Variants in CENPQ observed in about 807,000 individuals in gnomAD.
CENPQ encodes the protein centromere protein Q.
A neutral mutation model predicts 36.6 loss-of-function variants in CENPQ; 27 were observed. The ratio of observed to expected loss-of-function variants is 0.74; its 90% CI spans 0.54 to 1.02. The LOEUF is 1.02. CENPQ is among the 50% of genes least tolerant of loss of function. The probability of loss-of-function intolerance (pLI) is 0.00; values close to 1 mark genes in which losing one functional copy is unlikely to be tolerated. For missense variants in CENPQ, 306 were observed against 301.8 expected (o/e 1.01, Z -0.10); for synonymous variants, 101 against 101.7 (o/e 0.99, Z 0.04).
At chr6:49,481,154 T>C (rs1768419496) in intron 6 of CENPQ, 74 bp downstream of exon 6, 12 of 1,232,318 alleles carry the variant, frequency 9.7e-6, no homozygotes, top group Middle Eastern at 2.0e-4. Flanking sequence ...TTTAAAATTA[T>C]CATGATGTTC....
intron 2 of CENPQ, among the ~76,000 whole-genome samples, chr6:49,470,556 A>G (rs954955842): frequency 2.1e-5 from 3 of 140,620 alleles, no homozygotes; most frequent in Admixed American, 1.5e-4. Context: ...CGGGAGGCAG[A>G]GGTTGCAGTG....
chr6:49,472,022 A>C (rs754551563), intron 3 of CENPQ, 41 bp from the exon 4 acceptor site: 4 of 1,526,228 alleles, frequency 2.6e-6, no homozygotes, highest in Non-Finnish European at 3.5e-6. Flanking sequence ...AACATGTAAA[A>C]CATCTAGATT....
intron 5 of CENPQ, among the ~76,000 whole-genome samples, chr6:49,479,784 A>G (rs1217422472): frequency 6.6e-6 from 1 of 152,236 alleles, no homozygotes; most frequent in African/African-American, 2.4e-5. Context: ...TTGGAATGCT[A>G]TGCAGCCATA....
chr6:49,487,349 G>A lies in CENPQ; in HGVS notation c.478-1003G>A, dbSNP rs539534337. On this transcript the variant is annotated intron_variant, in intron 6 of 8. Transcript: ENST00000335783. ...GTTTTGTTGCATATCCTTTTGTTTT[G>A]TTGAGGTTTTGACCAATCTTTTAAA... is the stretch of plus-strand genomic sequence containing the variant. Among the ~76,000 whole-genome samples the A allele has an allele frequency of 6.1e-5, 9 of 147,146 alleles. No homozygotes were observed. In the South Asian group the frequency reaches 1.9e-3, roughly 31 times the overall value.
chr6:49,477,609 T>C (rs1007629491), intron 5 of CENPQ, among the ~76,000 whole-genome samples: 3 of 152,056 alleles, frequency 2.0e-5, no homozygotes, highest in African/African-American at 7.2e-5. Context: ...AGTTTCAAGT[T>C]TGCCTAGAAA....
At chr6:49,483,728 C>G (rs143785654) in intron 6 of CENPQ, among the ~76,000 whole-genome samples, 1 of 152,354 alleles carries the variant, frequency 6.6e-6, no homozygotes, top group East Asian at 1.9e-4. Flanking sequence ...CCTGCTAAAC[C>G]CACGCCCACC....
chr6:49,464,983 T>C (rs1054871663), intron 1 of CENPQ, among the ~76,000 whole-genome samples: 26 of 152,264 alleles, frequency 1.7e-4, no homozygotes, highest in Admixed American at 1.3e-4. Context: ...GTTTTCAATT[T>C]ATTTTGCCCA....
chr6:49,488,463 G>A lies in CENPQ; in HGVS notation c.589G>A (p.Val197Ile). The A allele has an allele frequency of 6.2e-7, 1 of 1,610,788 alleles. No individual in the cohort carries two copies. The highest frequency in any genetic ancestry group is 8.5e-7 in the Non-Finnish European group (1 of 1,178,104). Residue 197 changes from valine (V) to isoleucine (I), a missense_variant, in exon 7 of 9, where the codon GTA becomes ATA. By Grantham distance (29) the Val-to-Ile change is conservative. Coordinates refer to ENST00000335783, the MANE Select transcript of CENPQ (RefSeq NM_018132.4). ...TGAGGTGGAAGAAGAAGAGGAGAGA[G>A]TAAAACAGGTAATTATTTTAAACTG... ...ASEVEEEEER[V>I]KQMHQINSSG...
chr6:49,466,214 G>T (rs928639973), intron 1 of CENPQ, among the ~76,000 whole-genome samples: 6 of 152,168 alleles, frequency 3.9e-5, no homozygotes, highest in African/African-American at 1.4e-4. Context: ...TATTGGCATG[G>T]TTCATGGTGC....
At chr6:49,480,618 A>T (rs1009271463) in intron 5 of CENPQ, among the ~76,000 whole-genome samples, 1 of 152,204 alleles carries the variant, frequency 6.6e-6, no homozygotes, top group African/African-American at 2.4e-5. Flanking sequence ...TAATAGACTC[A>T]TGTAGTGTAA....
chr6:49,472,323 C>A, intron 4 of CENPQ, 140 bp downstream of exon 4: 1 of 653,550 alleles, frequency 1.5e-6, no homozygotes, highest in Non-Finnish European at 2.2e-6. Flanking sequence ...ATTAATGTGA[C>A]GGTATTTGCC....
intron 6 of CENPQ, among the ~76,000 whole-genome samples, chr6:49,481,854 G>A (rs1388666229): frequency 6.6e-6 from 1 of 152,140 alleles, no homozygotes. Context: ...TGGTCGATGG[G>A]ACTGGGCGCC....
chr6:49,464,870 G>C (rs889059708), intron 1 of CENPQ, among the ~76,000 whole-genome samples: 1 of 152,130 alleles, frequency 6.6e-6, no homozygotes, highest in African/African-American at 2.4e-5. Context: ...ATGAGGGTTG[G>C]AATCAACTTT....
At chr6:49,474,799 A>G (rs1768239352) in intron 5 of CENPQ, among the ~76,000 whole-genome samples, 1 of 152,192 alleles carries the variant, frequency 6.6e-6, no homozygotes, top group Admixed American at 6.5e-5. Flanking sequence ...AATCAAATAG[A>G]TGCAATAAAA....
intron 1 of CENPQ, among the ~76,000 whole-genome samples, chr6:49,468,988 A>C (rs1460369848): frequency 2.0e-5 from 3 of 152,210 alleles, no homozygotes; most frequent in Non-Finnish European, 4.4e-5. Flanking sequence ...GAAATTGAAC[A>C]CAAGATAGAG....
chr6:49,468,238 T>C (rs543597266), intron 1 of CENPQ, among the ~76,000 whole-genome samples: 2 of 151,778 alleles, frequency 1.3e-5, no homozygotes, highest in South Asian at 4.2e-4. Flanking sequence ...AGCTAAGACT[T>C]TCCTGGGGTT....
At chr6:49,478,799 A>G (rs1196145855) in intron 5 of CENPQ, among the ~76,000 whole-genome samples, 1 of 152,186 alleles carries the variant, frequency 6.6e-6, no homozygotes, top group African/African-American at 2.4e-5. Context: ...ACTATTCGCC[A>G]TTACAATTCT....
chr6:49,492,427 CAT>C lies in CENPQ; in HGVS notation c.*153_*154del. 1 of 661,964 alleles carries C rather than the reference CAT, an allele frequency of 1.5e-6. No homozygotes were observed. Among genetic ancestry groups the C allele is most frequent in the Non-Finnish European group, 2.4e-6 (1 of 421,472 alleles). The allele number at this position is 661,964 out of a possible 1,614,324, so 41.0% of individuals were successfully genotyped here. On this transcript the variant is annotated 3_prime_UTR_variant, in exon 9 of 9. Coordinates refer to ENST00000335783, the MANE Select transcript of CENPQ (RefSeq NM_018132.4). The stretch of plus-strand genomic sequence containing the variant: ...TTAAAATTAGTCTTTGTAGTTCTAT[CAT>C]TAGCATCTAATGTAGTTCTGAAGAC...
At chr6:49,488,831 C>T (rs1295725461) in intron 8 of CENPQ, 147 bp downstream of exon 8, 1 of 657,800 alleles carries the variant, frequency 1.5e-6, no homozygotes, top group African/African-American at 1.8e-5. Flanking sequence ...GTTATGTTTA[C>T]GCTATACTGT....
Sources: gnomAD v4.1 joint callset for allele counts (sites outside exome capture counted in the v4.1 genomes callset) on GRCh38, gnomAD v4.1.1 for gene constraint, MANE v1.5 for transcripts, NCBI Gene and HGNC (gene_info 2026-07-23, HGNC 2026-07-21) for gene names.